ANKS1B: variants seen among roughly 807,000 people sequenced by gnomAD.
ANKS1B encodes the protein ankyrin repeat and sterile alpha motif domain containing 1B, also known as ankyrin repeat and sterile alpha motif domain-containing protein 1B.
ANKS1B carries 36 observed loss-of-function variants against 148.3 expected under a neutral mutation model. The ratio of observed to expected loss-of-function variants is 0.24; its 90% CI spans 0.19 to 0.32. The LOEUF is 0.32. Among genes scored for constraint, ANKS1B ranks in the 10% least tolerant of loss-of-function variants. ANKS1B has a pLI of 1.00. For missense variants in ANKS1B, 1,157 were observed against 1,542.6 expected (o/e 0.75, Z 4.19); for synonymous variants, 542 against 560.8 (o/e 0.97, Z 0.47).
At chr12:99,762,657 C>T (rs984574215) in intron 8 of ANKS1B, among the ~76,000 whole-genome samples, 1 of 151,854 alleles carries the variant, frequency 6.6e-6, no homozygotes, top group Non-Finnish European at 1.5e-5. Flanking sequence ...AGAGCAATTG[C>T]AACAAAAACA....
chr12:99,699,403 T>C (rs2054454960), intron 8 of ANKS1B, among the ~76,000 whole-genome samples: 1 of 152,212 alleles, frequency 6.6e-6, no homozygotes, highest in Non-Finnish European at 1.5e-5. Flanking sequence ...GTGCTGACTT[T>C]CTTAAGCTAT....
chr12:98,895,658 A>T (rs1043058814), intron 17 of ANKS1B, among the ~76,000 whole-genome samples: 1 of 152,196 alleles, frequency 6.6e-6, no homozygotes, highest in Non-Finnish European at 1.5e-5. Flanking sequence ...ATCGGCCTCC[A>T]GTAGACTTGG....
chr12:99,766,783 T>G (rs1458159961), intron 8 of ANKS1B, among the ~76,000 whole-genome samples: 1 of 152,214 alleles, frequency 6.6e-6, no homozygotes, highest in Non-Finnish European at 1.5e-5. Flanking sequence ...GTTATGTTCC[T>G]ATAATAAGCC....
At chr12:99,516,871 A>T (rs1425173847) in intron 9 of ANKS1B, among the ~76,000 whole-genome samples, 2 of 152,084 alleles carry the variant, frequency 1.3e-5, no homozygotes, top group Admixed American at 1.3e-4. Flanking sequence ...CCATTGGTCA[A>T]TATGCCTGTT....
At chr12:98,775,862 T>C (rs2098668078) in intron 24 of ANKS1B, among the ~76,000 whole-genome samples, 1 of 152,214 alleles carries the variant, frequency 6.6e-6, no homozygotes, top group African/African-American at 2.4e-5. Context: ...TCCCCGACTG[T>C]GGAAACTTCT....
intron 9 of ANKS1B, among the ~76,000 whole-genome samples, chr12:99,563,340 T>A (rs537757207): frequency 3.3e-5 from 5 of 152,322 alleles, no homozygotes; most frequent in African/African-American, 1.2e-4. Context: ...TTTCTAGCTT[T>A]GATTTTAAAG....
chr12:99,460,216 A>T (rs1234475278), intron 10 of ANKS1B, among the ~76,000 whole-genome samples: 1 of 152,146 alleles, frequency 6.6e-6, no homozygotes, highest in Non-Finnish European at 1.5e-5. Context: ...CAAGCCACGT[A>T]AAAGAATGAA....
intron 1 of ANKS1B, among the ~76,000 whole-genome samples, chr12:99,946,981 A>G (rs938832379): frequency 6.6e-6 from 1 of 151,184 alleles, no homozygotes; most frequent in African/African-American, 2.4e-5. Context: ...GTTAGGAAGC[A>G]CTACTGGGGC....
chr12:99,401,610 A>G (rs2094405240), intron 11 of ANKS1B, among the ~76,000 whole-genome samples: 1 of 146,774 alleles, frequency 6.8e-6, no homozygotes, highest in South Asian at 2.1e-4. Flanking sequence ...TCATTCTACA[A>G]ATATTTGCTG....
At chr12:99,743,072 A>G (rs2060273389) in intron 8 of ANKS1B, among the ~76,000 whole-genome samples, 1 of 152,192 alleles carries the variant, frequency 6.6e-6, no homozygotes, top group African/African-American at 2.4e-5. Context: ...TCTCTAGTTT[A>G]TAGCCTAGCA....
At chr12:99,113,176 G>T (rs904844378) in intron 15 of ANKS1B, among the ~76,000 whole-genome samples, 2 of 151,848 alleles carry the variant, frequency 1.3e-5, no homozygotes, top group Non-Finnish European at 2.9e-5. Flanking sequence ...CTGCATCTTC[G>T]TTTTTTTTCT....
At chr12:99,854,441 A>G (rs1258287700) in intron 1 of ANKS1B, among the ~76,000 whole-genome samples, 2 of 152,240 alleles carry the variant, frequency 1.3e-5, no homozygotes, top group Non-Finnish European at 2.9e-5. Flanking sequence ...TTCCCAAGGA[A>G]GAAGAGAAAT....
intron 12 of ANKS1B, among the ~76,000 whole-genome samples, chr12:99,257,552 T>G (rs186543722): frequency 6.9e-4 from 105 of 152,306 alleles, no homozygotes; most frequent in African/African-American, 2.5e-3. Context: ...CTCATTTTAA[T>G]GATAAGGCAT....
chr12:99,313,219 G>A (rs2083441048), intron 12 of ANKS1B, among the ~76,000 whole-genome samples: 1 of 151,928 alleles, frequency 6.6e-6, no homozygotes, highest in South Asian at 2.1e-4. Context: ...CAGAAACCAG[G>A]ATGATATCGT....
intron 12 of ANKS1B, among the ~76,000 whole-genome samples, chr12:99,306,843 C>A (rs916164379): frequency 2.0e-5 from 3 of 151,838 alleles, no homozygotes; most frequent in Non-Finnish European, 2.9e-5. Context: ...ATTTTTTTAA[C>A]CTCAAGGAAG....
intron 1 of ANKS1B, among the ~76,000 whole-genome samples, chr12:99,876,855 C>G (rs1311335323): frequency 1.3e-5 from 2 of 151,934 alleles, no homozygotes; most frequent in African/African-American, 4.8e-5. Flanking sequence ...TTAGTTTTAT[C>G]AAAGTAATAC....
At chr12:99,915,591 C>T (rs143805755) in intron 1 of ANKS1B, among the ~76,000 whole-genome samples, 13 of 152,208 alleles carry the variant, frequency 8.5e-5, no homozygotes, top group South Asian at 8.3e-4. Context: ...GGTGAATGCA[C>T]GCCATTAAAG....
chr12:98,751,985 G>A lies in ANKS1B; in HGVS notation c.3580-463C>T, dbSNP rs890072705. Among the ~76,000 whole-genome samples the A allele has an allele frequency of 6.6e-6, 1 of 152,184 alleles. No homozygotes were observed. Among genetic ancestry groups the A allele is most frequent in the South Asian group, 2.1e-4 (1 of 4,836 alleles). On this transcript the variant is annotated intron_variant, in intron 25 of 26. Coordinates refer to ENST00000683438, the MANE Select transcript of ANKS1B (RefSeq NM_001352186.2). The surrounding 1 kb of genome is among the most constrained non-coding windows in gnomAD (Gnocchi z 4.3). ...CTGTTGTTTCCCTAAGCCAGACTAA[G>A]GCATAAGTGACTATTCCTGTAAATT...
chr12:99,521,484 C>A (rs1020532755), intron 9 of ANKS1B, among the ~76,000 whole-genome samples: 3 of 152,090 alleles, frequency 2.0e-5, no homozygotes, highest in Non-Finnish European at 4.4e-5. Flanking sequence ...AAGAGTTAGG[C>A]CTTTATTGTA....
Sources: allele counts gnomAD v4.1 joint callset (sites outside exome capture counted in the v4.1 genomes callset), GRCh38; gene constraint gnomAD v4.1.1; non-coding constraint Gnocchi (gnomAD v3.1); transcripts MANE v1.5; gene names NCBI Gene and HGNC (gene_info 2026-07-23, HGNC 2026-07-21).